The following FMN2 variants were observed in gnomAD, a reference collection of about 807,000 sequenced individuals.
The protein encoded by FMN2 is formin 2.
Under a neutral mutation model 142.3 loss-of-function variants are expected in FMN2, and 51 were observed. That is an observed-to-expected ratio of 0.36 (90% CI 0.29 to 0.45). The LOEUF (loss-of-function observed/expected upper bound fraction) is 0.45, where lower values mean the gene tolerates loss of function less well. Among genes scored for constraint, FMN2 ranks in the 20% least tolerant of loss-of-function variants. FMN2 has a pLI of 1.00. For missense variants in FMN2, 1,936 were observed against 2,122.8 expected, an observed-to-expected ratio of 0.91 and a Z score of 1.73; for synonymous variants, 882 against 869.8, an observed-to-expected ratio of 1.01 and a Z score of -0.25.
At chr1:240,247,126 T>C (rs1572112173) in intron 6 of FMN2, among the ~76,000 whole-genome samples, 1 of 152,100 alleles carries the variant, frequency 6.6e-6, no homozygotes, top group Admixed American at 6.6e-5. Flanking sequence ...TTCTGAAAGG[T>C]GGTAGATGAT....
chr1:240,165,541 G>T (rs1302934859), intron 2 of FMN2, among the ~76,000 whole-genome samples: 1 of 151,988 alleles, frequency 6.6e-6, no homozygotes, highest in Non-Finnish European at 1.5e-5. Context: ...ATGTGAGTCT[G>T]ATAACAATCT....
chr1:240,141,687 T>C (rs1663190880), intron 2 of FMN2, among the ~76,000 whole-genome samples: 1 of 152,152 alleles, frequency 6.6e-6, no homozygotes, highest in African/African-American at 2.4e-5. Context: ...TTAAACATCA[T>C]GGTGAAATGA....
At chr1:240,109,783 T>A (rs1661740298) in intron 1 of FMN2, among the ~76,000 whole-genome samples, 1 of 152,198 alleles carries the variant, frequency 6.6e-6, no homozygotes. Context: ...CGGTATGTTG[T>A]CAGCAGTTAG....
In FMN2 at chr1:240,206,979, C is replaced by T; in HGVS notation, c.2167C>T (p.Leu723Phe). 1 of 1,614,150 alleles carries T rather than the reference C, an allele frequency of 6.2e-7. No homozygotes were observed. Among genetic ancestry groups the T allele is most frequent in the Non-Finnish European group, 8.5e-7 (1 of 1,180,018 alleles). ...NGVTASGDVCLEALRLEEKEV... is the reference protein window; with the variant it reads ...NGVTASGDVCFEALRLEEKEV... ...AGTGACAGCCTCAGGCGATGTCTGT[C>T]TCGAAGCTCTCAGGTTAGAAGAAAA... Residue 723 changes from leucine (L) to phenylalanine (F), a missense_variant, in exon 5 of 18, where the codon CTC becomes TTC. Leu to Phe is a conservative substitution (Grantham distance 22, BLOSUM62 0). This residue lies in a region of FMN2 where 478 missense variants were observed against 462.8 expected (regional missense o/e 1.03). Coordinates refer to ENST00000319653, the MANE Select transcript of FMN2 (RefSeq NM_020066.5).
intron 4 of FMN2, among the ~76,000 whole-genome samples, chr1:240,204,135 T>TC (rs896644103): frequency 6.6e-6 from 1 of 150,818 alleles, no homozygotes; most frequent in African/African-American, 2.4e-5. Context: ...GGCTACTTCT[T>TC]TTTTTTTTAA....
chr1:240,250,314 T>C (rs1370418804), intron 6 of FMN2, among the ~76,000 whole-genome samples: 1 of 152,204 alleles, frequency 6.6e-6, no homozygotes, highest in African/African-American at 2.4e-5. Context: ...TGTTGAATTT[T>C]ATCAAATGCT....
intron 4 of FMN2, among the ~76,000 whole-genome samples, chr1:240,196,352 G>C (rs10926163): frequency 0.71 from 108,664 of 152,004 alleles, 39,560 homozygotes; most frequent in African/African-American, 0.84. Flanking sequence ...GAAATGATGG[G>C]TTTGGTAACC....
chr1:240,383,970 T>G (rs1673316916), intron 14 of FMN2, among the ~76,000 whole-genome samples: 1 of 151,892 alleles, frequency 6.6e-6, no homozygotes, highest in Admixed American at 6.6e-5. Context: ...CACTCAGTCA[T>G]AAAAAGAATA....
At chr1:240,245,864 G>A (rs922191276) in intron 6 of FMN2, among the ~76,000 whole-genome samples, 7 of 152,138 alleles carry the variant, frequency 4.6e-5, no homozygotes, top group African/African-American at 1.7e-4. Flanking sequence ...TTCTGCCTCA[G>A]CCTGAGAGGA....
Position 240,207,612 on chromosome 1 carries a change from C to T in FMN2, c.2800C>T (p.Leu934=), listed in dbSNP as rs1558361628. Residue 934 remains leucine, a synonymous_variant, in exon 5 of 18, where the codon CTG becomes TTG. Transcript: ENST00000319653. ...TCTACCCGGAGCAGGCATACTCCCT[C>T]TGCCCCCTCTACCCGGAGCGGGAAT... ...PPLPGAGILP[L]PPLPGAGIPP... 1.3e-6 allele frequency: 2 copies of T among 1,579,948 alleles called. No homozygotes were observed. Among genetic ancestry groups the T allele is most frequent in the Non-Finnish European group, 8.6e-7 (1 of 1,161,346 alleles).
chr1:240,289,603 C>T (rs1212650648), intron 7 of FMN2, among the ~76,000 whole-genome samples: 2 of 152,016 alleles, frequency 1.3e-5, no homozygotes, highest in Admixed American at 1.3e-4. Flanking sequence ...TTGCTTGAAC[C>T]CAGGAGTCTG....
At chr1:240,468,249 T>TATGCACACACAC (rs1676690699) in intron 16 of FMN2, among the ~76,000 whole-genome samples, 6 of 136,826 alleles carry the variant, frequency 4.4e-5, no homozygotes, top group African/African-American at 1.2e-4. Context: ...CACACACACA[T>TATGCACACACAC]ATATACATAT....
At chr1:240,308,339 T>G (rs538636759) in intron 8 of FMN2, among the ~76,000 whole-genome samples, 25 of 152,314 alleles carry the variant, frequency 1.6e-4, no homozygotes, top group Middle Eastern at 3.4e-3. Context: ...TTGTAAGACT[T>G]GAACTTTTTC....
chr1:240,460,338 C>T (rs1473458813), intron 16 of FMN2, among the ~76,000 whole-genome samples: 2 of 152,182 alleles, frequency 1.3e-5, no homozygotes, highest in African/African-American at 4.8e-5. Context: ...GTGCCTGTAA[C>T]ACCAGCACTT....
chr1:240,352,636 C>T (rs1185273281), intron 13 of FMN2, among the ~76,000 whole-genome samples: 1 of 152,078 alleles, frequency 6.6e-6, no homozygotes, highest in Non-Finnish European at 1.5e-5. Flanking sequence ...ACTGTGTCAC[C>T]TGACGTTGCT....
intron 16 of FMN2, among the ~76,000 whole-genome samples, chr1:240,464,979 A>C (rs1676566285): frequency 6.6e-6 from 1 of 152,148 alleles, no homozygotes; most frequent in African/African-American, 2.4e-5. Flanking sequence ...TGCCTGAGGA[A>C]GCCTTGTAAG....
chr1:240,290,645 C>T (rs990911700), intron 7 of FMN2, among the ~76,000 whole-genome samples: 4 of 152,056 alleles, frequency 2.6e-5, no homozygotes, highest in Non-Finnish European at 5.9e-5. Flanking sequence ...GTGTCTTGAT[C>T]AAAGACACAC....
At chr1:240,249,713 A>T (rs1395428381) in intron 6 of FMN2, among the ~76,000 whole-genome samples, 6 of 152,034 alleles carry the variant, frequency 3.9e-5, no homozygotes, top group Non-Finnish European at 7.4e-5. Context: ...CTTCAACAAT[A>T]TTTATTCTTC....
intron 2 of FMN2, among the ~76,000 whole-genome samples, chr1:240,164,532 T>G (rs774062214): frequency 6.6e-5 from 10 of 152,224 alleles, no homozygotes; most frequent in Admixed American, 3.9e-4. Context: ...AGTGCAAGCC[T>G]GCTAGGTGAC....
Sources: allele counts gnomAD v4.1 joint callset (sites outside exome capture counted in the v4.1 genomes callset), GRCh38; gene constraint gnomAD v4.1.1; regional missense constraint gnomAD v4.1.1; transcripts MANE v1.5; gene names NCBI Gene and HGNC (gene_info 2026-07-23, HGNC 2026-07-21).